EXOC1: variants seen among roughly 807,000 people sequenced by gnomAD.
EXOC1 encodes the protein exocyst complex component 1.
A neutral mutation model predicts 107.7 loss-of-function variants in EXOC1; 67 were observed. That is an observed-to-expected ratio of 0.62 (90% CI 0.51 to 0.76). EXOC1 has a LOEUF of 0.76. EXOC1 is among the 30% of genes least tolerant of loss of function. The pLI is 0.00. For synonymous variants in EXOC1, 348 were observed against 353.5 expected (o/e 0.98, Z 0.17); for missense variants, 833 against 1,055.7 (o/e 0.79, Z 2.92).
intron 4 of EXOC1, among the ~76,000 whole-genome samples, chr4:55,866,120 A>G (rs2110325607): frequency 6.6e-6 from 1 of 152,318 alleles, no homozygotes; most frequent in East Asian, 1.9e-4. Flanking sequence ...TAGAAAACAA[A>G]TAAAAAATTA....
At chr4:55,894,708 C>T (rs1379169332) in intron 15 of EXOC1, among the ~76,000 whole-genome samples, 1 of 147,322 alleles carries the variant, frequency 6.8e-6, no homozygotes, top group Non-Finnish European at 1.5e-5. Context: ...CCGCAACCTC[C>T]GCCTCCTGGG....
At chr4:55,895,114 G>A (rs1232693265) in intron 15 of EXOC1, among the ~76,000 whole-genome samples, 1 of 152,070 alleles carries the variant, frequency 6.6e-6, no homozygotes, top group Non-Finnish European at 1.5e-5. Context: ...GGTTTCTTCT[G>A]CCTGTCATAC....
chr4:55,877,949 C>G lies in EXOC1; in HGVS notation c.1107C>G (p.His369Gln), dbSNP rs1285234388. The change falls in exon 9 of 19, where the codon CAC becomes CAG. Residue 369 changes from histidine (H) to glutamine (Q), a missense_variant. By Grantham distance (24) the His-to-Gln change is conservative (BLOSUM62 0). Around this residue, in one of 2 missense-constraint regions of EXOC1, gnomAD observed 617 missense variants for 701.3 expected, o/e 0.88. Transcript: ENST00000381295. ...GHDQSSTLAQ[H>Q]SVELTLPNHH... ...ATCAGAGTTCGACTCTTGCCCAACA[C>G]TCTGTTGAACTGACTTTACCCAATC... is the stretch of plus-strand genomic sequence containing the variant. 7 of 1,613,676 alleles carry G rather than the reference C, an allele frequency of 4.3e-6. No individual in the cohort carries two copies. Among genetic ancestry groups the G allele is most frequent in the African/African-American group, 1.3e-5 (1 of 74,886 alleles).
intron 11 of EXOC1, among the ~76,000 whole-genome samples, chr4:55,889,316 A>G (rs1037358736): frequency 1.3e-5 from 2 of 151,592 alleles, no homozygotes; most frequent in Non-Finnish European, 3.0e-5. Context: ...AGCAAATAGT[A>G]CAAGTTAACT....
At chr4:55,876,382 C>A in intron 8 of EXOC1, 1 of 850,770 alleles carries the variant, frequency 1.2e-6, no homozygotes, top group Non-Finnish European at 1.4e-6. Flanking sequence ...TTTAGAAAAG[C>A]AATACAGTAT....
chr4:55,884,341 A>G (rs1455816435), intron 10 of EXOC1, among the ~76,000 whole-genome samples: 2 of 152,182 alleles, frequency 1.3e-5, no homozygotes, highest in Non-Finnish European at 2.9e-5. Flanking sequence ...ATTGCTCTCC[A>G]CATAGAAATG....
At chr4:55,872,480 G>A (rs964547050) in intron 8 of EXOC1, among the ~76,000 whole-genome samples, 3 of 151,972 alleles carry the variant, frequency 2.0e-5, no homozygotes, top group Admixed American at 2.0e-4. Flanking sequence ...TTATAATTAA[G>A]AGTGTGGTAA....
chr4:55,873,647 T>G (rs1722639603), intron 8 of EXOC1, among the ~76,000 whole-genome samples: 1 of 152,204 alleles, frequency 6.6e-6, no homozygotes, highest in Non-Finnish European at 1.5e-5. Context: ...TATGTGTTAT[T>G]ACATGTGAGT....
In EXOC1 at chr4:55,854,735, C is replaced by G. The variant is rs530528828; in HGVS notation, c.-11+782C>G. ...CTTGTTTTGCCTCTTACTGTACACT[C>G]AGTTGCTTTTAGCCAGAGAAGGAGT... On this transcript the variant is annotated intron_variant, in intron 1 of 18. Coordinates refer to ENST00000381295, the MANE Select transcript of EXOC1 (RefSeq NM_001024924.2). Among the ~76,000 whole-genome samples, 5 of 152,340 alleles carry G rather than the reference C, an allele frequency of 3.3e-5. 1 individual carries two copies. The highest frequency in any genetic ancestry group is 1.2e-4 in the African/African-American group (5 of 41,578).
chr4:55,894,220 GA>G (rs1724918377), intron 15 of EXOC1, among the ~76,000 whole-genome samples: 1 of 151,914 alleles, frequency 6.6e-6, no homozygotes, highest in Non-Finnish European at 1.5e-5. Flanking sequence ...AACTACTCGG[GA>G]GGCTGAGGCA....
chr4:55,877,563 G>A, intron 8 of EXOC1: 1 of 985,256 alleles, frequency 1.0e-6, no homozygotes, highest in Non-Finnish European at 1.2e-6. Flanking sequence ...CTTAATTCAA[G>A]CTATATCAAG....
chr4:55,869,280 C>T (rs1239777744), intron 5 of EXOC1, among the ~76,000 whole-genome samples: 6 of 152,012 alleles, frequency 3.9e-5, no homozygotes, highest in African/African-American at 1.4e-4. Context: ...GCACAAGAAT[C>T]GCTTGAACCT....
Position 55,899,810 on chromosome 4 carries a change from G to A in EXOC1, c.2263G>A (p.Ala755Thr). 6.2e-7 allele frequency: 1 copy of A among 1,613,320 alleles called. No individual in the cohort carries two copies. Among genetic ancestry groups the A allele is most frequent in the Non-Finnish European group, 8.5e-7 (1 of 1,179,704 alleles). The change falls in exon 17 of 19, where the codon GCC (alanine) becomes ACC (threonine). Residue 755 changes from alanine (A) to threonine (T), a missense_variant. Ala to Thr is a moderately conservative substitution (Grantham distance 58). This residue lies in a region of EXOC1 where 216 missense variants were observed against 354.4 expected (regional missense o/e 0.61). Coordinates refer to ENST00000381295, the MANE Select transcript of EXOC1 (RefSeq NM_001024924.2). The stretch of plus-strand genomic sequence containing the variant: ...ATGTCTAGAAGCAGAAAAAAAAGAA[G>A]CCAAACAAAAATACACAGATCACCT... ...ISCLEAEKKEAKQKYTDHLQS... is the reference protein window; with the variant it reads ...ISCLEAEKKETKQKYTDHLQS...
At chr4:55,875,608 G>T (rs1377380268) in intron 8 of EXOC1, 4 of 985,290 alleles carry the variant, frequency 4.1e-6, no homozygotes, top group Non-Finnish European at 4.8e-6. Context: ...AGTAGTAGAA[G>T]AACATAGACA....
Position 55,883,472 on chromosome 4 carries a change from T to G in EXOC1, c.1225-351T>G, listed in dbSNP as rs1032552156. ...CTTAATGGTGCTACACCAACAAAAC[T>G]GAATACTGTGCTGTCATTAAAATGT... On this transcript the variant is annotated intron_variant, in intron 9 of 18. Coordinates refer to ENST00000381295, the MANE Select transcript of EXOC1 (RefSeq NM_001024924.2). 3.6e-5 allele frequency: 6 copies of G among 168,234 alleles called. No homozygotes were observed. In the Admixed American group the frequency reaches 3.9e-4, roughly 11 times the overall value. 10.4% of individuals were successfully genotyped at this position (168,234 alleles called of 1,614,324 possible).
At position 55,893,627 on chromosome 4, in the gene EXOC1, A is replaced by G. The variant is rs1724841401; in HGVS notation, c.1800A>G (p.Leu600=). ...IEPELNNLIA[L]GDKIDSFNSL... is the part of the protein sequence containing the mutation. ...CAGAGCTGAACAACCTAATTGCATTAGGAGACAAAATTGATAGCTTTAACT... is the reference window on the plus strand; with the variant it reads ...CAGAGCTGAACAACCTAATTGCATTGGGAGACAAAATTGATAGCTTTAACT... Residue 600 remains leucine (L), a synonymous_variant, in exon 15 of 19, where the codon TTA becomes TTG. Coordinates refer to ENST00000381295, the MANE Select transcript of EXOC1 (RefSeq NM_001024924.2). 2 of 1,614,132 alleles carry G rather than the reference A, an allele frequency of 1.2e-6. No individual in the cohort carries two copies. Among genetic ancestry groups the G allele is most frequent in the Non-Finnish European group, 1.7e-6 (2 of 1,180,010 alleles).
intron 2 of EXOC1, 85 bp from the exon 3 acceptor site, chr4:55,860,325 AC>A: frequency 1.3e-6 from 2 of 1,539,518 alleles, no homozygotes; most frequent in Admixed American, 3.5e-5. Context: ...GCTACTAGGC[AC>A]CTGAAAGCTA....
At chr4:55,885,531 A>AATCACAT (rs1348058386) in intron 10 of EXOC1, 1 of 152,160 alleles carries the variant, frequency 6.6e-6, no homozygotes, top group Non-Finnish European at 1.5e-5. Context: ...TCTTCTATTA[A>AATCACAT]ATGTGTCTAT....
chr4:55,858,879 G>T (rs7687289), intron 2 of EXOC1, among the ~76,000 whole-genome samples: 83,800 of 151,968 alleles, frequency 0.55, 23,405 homozygotes, highest in East Asian at 0.66. Flanking sequence ...TATGATGCCT[G>T]TTAATGAAAT....
Sources: gnomAD v4.1 joint callset for allele counts (sites outside exome capture counted in the v4.1 genomes callset) on GRCh38, gnomAD v4.1.1 for gene constraint, gnomAD v4.1.1 regional missense constraint, MANE v1.5 for transcripts, NCBI Gene and HGNC (gene_info 2026-07-23, HGNC 2026-07-21) for gene names.